FOXP2: variants seen among roughly 807,000 people sequenced by gnomAD.
FOXP2 encodes forkhead box protein P2.
A neutral mutation model predicts 115.8 loss-of-function variants in FOXP2; 12 were observed. That is an observed-to-expected ratio of 0.10 (90% CI 0.07 to 0.17). The LOEUF (loss-of-function observed/expected upper bound fraction) is 0.17, where lower values mean the gene tolerates loss of function less well. Ranked by LOEUF, FOXP2 falls within the 10% of genes least tolerant of loss-of-function variation. The pLI is 1.00. For missense variants in FOXP2, 629 were observed against 843.5 expected, an observed-to-expected ratio of 0.75 and a Z score of 3.15; for synonymous variants, 328 against 297.7, an observed-to-expected ratio of 1.10 and a Z score of -1.05.
At chr7:114,135,789 G>A (rs971020150) in intron 1 of FOXP2, among the ~76,000 whole-genome samples, 2 of 152,012 alleles carry the variant, frequency 1.3e-5, no homozygotes, top group African/African-American at 4.8e-5. Context: ...TAAAATAAAG[G>A]CTGTGTTCAT....
At chr7:114,089,099 C>T (rs777975527) in intron 1 of FOXP2, among the ~76,000 whole-genome samples, 1 of 152,034 alleles carries the variant, frequency 6.6e-6, no homozygotes, top group Non-Finnish European at 1.5e-5. Context: ...TATTGCCTAA[C>T]TAGACTCATA....
In FOXP2 at chr7:114,536,000, G is replaced by C. The variant is rs563094142; in HGVS notation, c.258+1294G>C. The stretch of plus-strand genomic sequence containing the variant: ...CATATTCTTCCCCAATTTATAATGG[G>C]AGCGTAGGTGTAGTATTTCCATGGA... On this transcript the variant is annotated intron_variant, in intron 3 of 16. Coordinates refer to ENST00000350908, the MANE Select transcript of FOXP2 (RefSeq NM_014491.4). 2.6e-4 allele frequency among the ~76,000 whole-genome samples: 39 copies of C among 151,588 alleles called. 1 individual carries two copies. In the South Asian group the frequency reaches 7.9e-3, roughly 31 times the overall value.
intron 2 of FOXP2, among the ~76,000 whole-genome samples, chr7:114,485,454 C>T (rs553989094): frequency 4.6e-5 from 7 of 151,834 alleles, no homozygotes; most frequent in South Asian, 4.2e-4. Context: ...AAAAGTTAAT[C>T]AGTGTGAACA....
At chr7:114,225,942 G>T (rs1584559073) in intron 1 of FOXP2, among the ~76,000 whole-genome samples, 1 of 152,060 alleles carries the variant, frequency 6.6e-6, no homozygotes, top group African/African-American at 2.4e-5. Context: ...TGTAGAAAGA[G>T]ACTCTGAAAG....
At chr7:114,364,646 G>A (rs756139087) in intron 2 of FOXP2, among the ~76,000 whole-genome samples, 30 of 152,020 alleles carry the variant, frequency 2.0e-4, no homozygotes, top group Non-Finnish European at 3.2e-4. Context: ...CAAATAATGT[G>A]CACTTTGTTC....
intron 2 of FOXP2, among the ~76,000 whole-genome samples, chr7:114,329,924 C>G (rs1797659580): frequency 6.6e-6 from 1 of 152,138 alleles, no homozygotes. Flanking sequence ...ATCCACCCAC[C>G]TCAGCCTCCC....
chr7:114,407,258 G>A (rs1793057216), intron 2 of FOXP2, among the ~76,000 whole-genome samples: 1 of 151,932 alleles, frequency 6.6e-6, no homozygotes, highest in South Asian at 2.1e-4. Flanking sequence ...AAGGTTTAGT[G>A]ATGTCTAAAA....
chr7:114,164,767 C>T (rs1022639928), intron 1 of FOXP2, among the ~76,000 whole-genome samples: 2 of 152,078 alleles, frequency 1.3e-5, no homozygotes. Flanking sequence ...ACTTTAAAAG[C>T]CTATTTAAAT....
chr7:114,272,723 T>C (rs1477395287), intron 1 of FOXP2, among the ~76,000 whole-genome samples: 1 of 151,880 alleles, frequency 6.6e-6, no homozygotes, highest in Non-Finnish European at 1.5e-5. Flanking sequence ...TTTCTGGGCA[T>C]AGAATTGTTG....
intron 2 of FOXP2, among the ~76,000 whole-genome samples, chr7:114,462,304 G>T (rs1430191125): frequency 1.5e-5 from 2 of 136,602 alleles, no homozygotes; most frequent in Non-Finnish European, 3.2e-5. Flanking sequence ...AAAAAAAAAG[G>T]TAACAAACAC....
intron 1 of FOXP2, among the ~76,000 whole-genome samples, chr7:114,154,511 G>T (rs1460485671): frequency 6.6e-6 from 1 of 151,964 alleles, no homozygotes; most frequent in Non-Finnish European, 1.5e-5. Flanking sequence ...GAGAATGGAA[G>T]ATTATTAGTT....
At chr7:114,216,886 C>G (rs1239291767) in intron 1 of FOXP2, among the ~76,000 whole-genome samples, 1 of 152,132 alleles carries the variant, frequency 6.6e-6, no homozygotes, top group African/African-American at 2.4e-5. Flanking sequence ...GTAAATTATT[C>G]TGGCCAGAAT....
rs187965222 is a variant in FOXP2 at position 114,350,916 on chromosome 7, G to A, written c.-11+62807G>A. Among the ~76,000 whole-genome samples the A allele has an allele frequency of 1.2e-3, 186 of 152,170 alleles. 1 individual carries two copies. The highest frequency in any genetic ancestry group is 7.2e-4 in the Non-Finnish European group (49 of 68,000). On this transcript the variant is annotated intron_variant, in intron 2 of 17. Transcript: ENST00000634411. ...CCTTATATAAAGTGGTGTAGTATTT[G>A]CGTATAACCTACACACATACTTTTG...
intron 2 of FOXP2, among the ~76,000 whole-genome samples, chr7:114,389,410 A>G (rs538720762): frequency 1.3e-5 from 2 of 152,334 alleles, no homozygotes; most frequent in South Asian, 4.1e-4. Flanking sequence ...CGGGTTATTG[A>G]CAGACTATTG....
intron 8 of FOXP2, among the ~76,000 whole-genome samples, chr7:114,649,147 A>C (rs1426664019): frequency 6.6e-6 from 1 of 152,096 alleles, no homozygotes; most frequent in East Asian, 1.9e-4. Context: ...AAAAAGTATT[A>C]TTGTTGGCTA....
upstream of FOXP2, among the ~76,000 whole-genome samples, chr7:114,159,935 T>C (rs957677584): frequency 1.3e-5 from 2 of 152,132 alleles, no homozygotes; most frequent in Non-Finnish European, 2.9e-5. Flanking sequence ...GTAGAAATAT[T>C]GGAGGAAAAG....
At position 114,349,005 on chromosome 7, in the gene FOXP2, T is replaced by C. The variant is rs188864617; in HGVS notation, c.-11+60896T>C. Among the ~76,000 whole-genome samples, 17 of 152,240 alleles carry C rather than the reference T, an allele frequency of 1.1e-4. No homozygotes were observed. The East Asian group carries it at 1.7e-3, about 16-fold the overall frequency. On this transcript the variant is annotated intron_variant, in intron 2 of 17. Transcript: ENST00000634411. Reference sequence around the variant, plus strand: ...ATAAATATAGTTCAAAGCTAGACTTTTAAGATTCTATTTTCAAACAATATC... The same window carrying C: ...ATAAATATAGTTCAAAGCTAGACTTCTAAGATTCTATTTTCAAACAATATC...
At chr7:114,275,524 T>A (rs923097097) in intron 1 of FOXP2, among the ~76,000 whole-genome samples, 13 of 152,284 alleles carry the variant, frequency 8.5e-5, no homozygotes, top group Admixed American at 7.2e-4. Context: ...TTTTGTTTGT[T>A]TTTTGTTGTT....
At position 114,664,329 on chromosome 7, in the gene FOXP2, T is replaced by C. The variant is rs1279011272; in HGVS notation, c.1896T>C (p.Asn632=). 1.2e-6 allele frequency: 2 copies of C among 1,613,614 alleles called. No homozygotes were observed. Among genetic ancestry groups the C allele is most frequent in the Admixed American group, 1.7e-5 (1 of 59,912 alleles). Residue 632 remains asparagine (N), a synonymous_variant, in exon 16 of 17, where the codon AAT becomes AAC. Transcript: ENST00000350908. ...PLLSNPGLIN[N]ASSGLLQAVH... is the part of the protein sequence containing the mutation. ...TAAGTAATCCTGGACTGATAAATAA[T>C]GCATCCAGTGGCCTACTGCAGGCCG...
Sources: allele counts gnomAD v4.1 joint callset (sites outside exome capture counted in the v4.1 genomes callset), GRCh38; gene constraint gnomAD v4.1.1; transcripts MANE v1.5; gene names NCBI Gene and HGNC (gene_info 2026-07-23, HGNC 2026-07-21).